PHF10: variants seen among roughly 807,000 people sequenced by gnomAD.
PHF10 encodes the protein BRG1-associated factor 45a.
PHF10 carries 51 observed loss-of-function variants against 68.5 expected under a neutral mutation model. The observed-to-expected ratio is 0.74, with a 90% CI of 0.59 to 0.94. The LOEUF is 0.94. PHF10 is among the 40% of genes least tolerant of loss of function. The pLI is 0.00. For missense variants in PHF10, 460 were observed against 602.6 expected (o/e 0.76, Z 2.48); for synonymous variants, 204 against 203.5 (o/e 1.00, Z -0.02).
intron 3 of PHF10, among the ~76,000 whole-genome samples, chr6:169,718,584 A>G (rs1157622577): frequency 1.3e-5 from 2 of 152,204 alleles, no homozygotes; most frequent in East Asian, 3.9e-4. Context: ...GCAGGGAGAC[A>G]GCTAGCCCAG....
At chr6:169,715,888 A>G (rs201369237) in intron 5 of PHF10, 31 bp from the exon 6 acceptor site, 51 of 1,599,986 alleles carry the variant, frequency 3.2e-5, no homozygotes, top group Non-Finnish European at 4.2e-5. Context: ...TGGAAGTCAC[A>G]TATAACTTTC....
At position 169,717,347 on chromosome 6, in the gene PHF10, G is replaced by A. The variant is rs184050394; in HGVS notation, c.409+476C>T. Among the ~76,000 whole-genome samples, 350 of 152,308 alleles carry A rather than the reference G, an allele frequency of 2.3e-3. 2 individuals carry two copies. The highest frequency in any genetic ancestry group is 7.9e-3 in the African/African-American group (329 of 41,566). On this transcript the variant is annotated intron_variant, in intron 4 of 11. Transcript: ENST00000339209. ...ACATATGATAAACCCATCCTAAGTT[G>A]AAACTATCCTAAAAAGTAAAAGCAT...
At chr6:169,714,010 A>G (rs1006375205) in intron 7 of PHF10, among the ~76,000 whole-genome samples, 1 of 151,902 alleles carries the variant, frequency 6.6e-6, no homozygotes, top group Non-Finnish European at 1.5e-5. Context: ...CAGTCCCGCT[A>G]TTTGGGAGGC....
rs1266593455 is a variant in PHF10 at position 169,714,777 on chromosome 6, G to C, written c.759C>G (p.Tyr253Ter). The change falls in exon 7 of 12, where the codon TAC becomes TAG. Residue 253 changes from tyrosine to a stop codon, truncating the protein, a stop_gained. Transcript: ENST00000339209. LOFTEE classifies it high-confidence loss of function. ...LPTERTKVSSYPVALIPGQFQ... is the reference protein window; with the variant it reads ...LPTERTKVSS The stretch of plus-strand genomic sequence containing the variant: ...ACTGTCCGGGGATGAGAGCCACTGG[G>C]TAAGAACTGACCTTTGTTCGCTCTG... 2 of 1,604,894 alleles carry C rather than the reference G, an allele frequency of 1.2e-6. No homozygotes were observed. The highest frequency in any genetic ancestry group is 1.7e-6 in the Non-Finnish European group (2 of 1,171,644).
intron 6 of PHF10, 67 bp downstream of exon 6, chr6:169,715,641 T>G: frequency 8.0e-7 from 1 of 1,252,076 alleles, no homozygotes. Context: ...ATAAAGGGGG[T>G]GATGGGCACT....
intron 1 of PHF10, 110 bp downstream of exon 1, chr6:169,723,735 T>C (rs1314373945): frequency 3.4e-5 from 10 of 297,674 alleles, no homozygotes; most frequent in Admixed American, 6.1e-5. Flanking sequence ...GCGCCCGGCC[T>C]GGGCCCACGC....
chr6:169,717,042 A>G (rs186104514), intron 4 of PHF10, among the ~76,000 whole-genome samples: 337 of 152,336 alleles, frequency 2.2e-3, no homozygotes, highest in African/African-American at 7.5e-3. Flanking sequence ...TCACAAGGTC[A>G]GAAGTTGGAG....
At chr6:169,706,699 A>G (rs1788800085) in intron 9 of PHF10, among the ~76,000 whole-genome samples, 1 of 150,058 alleles carries the variant, frequency 6.7e-6, no homozygotes, top group South Asian at 2.1e-4. Flanking sequence ...CAAGAATGAA[A>G]TGGGGTAAGG....
chr6:169,714,671 C>CA, intron 7 of PHF10, 62 bp downstream of exon 7: 1 of 840,502 alleles, frequency 1.2e-6, no homozygotes, highest in Non-Finnish European at 2.1e-6. Flanking sequence ...GAGGCAAGTA[C>CA]AAAAGGCTCT....
intron 2 of PHF10, among the ~76,000 whole-genome samples, chr6:169,719,474 G>A (rs1055460770): frequency 3.9e-5 from 6 of 152,142 alleles, no homozygotes; most frequent in South Asian, 2.1e-4. Flanking sequence ...TATCACAGTC[G>A]ATCTCCATCC....
chr6:169,705,827 T>G lies in PHF10; in HGVS notation c.1114-103A>C, dbSNP rs1788765869. On this transcript the variant is annotated intron_variant, in intron 9 of 11. Coordinates refer to ENST00000339209, the MANE Select transcript of PHF10 (RefSeq NM_018288.4). ...TGCCCTATTTTTACTTTTGGTAACTTGCTAATGAGGACCATTTTGAAAGAC... is the reference window on the plus strand; with the variant it reads ...TGCCCTATTTTTACTTTTGGTAACTGGCTAATGAGGACCATTTTGAAAGAC... 4 of 705,078 alleles carry G rather than the reference T, an allele frequency of 5.7e-6. No homozygotes were observed. The East Asian group carries it at 7.8e-5, about 14-fold the overall frequency. The allele number at this position is 705,078 out of a possible 1,614,324, so 43.7% of individuals were successfully genotyped here.
intron 7 of PHF10, among the ~76,000 whole-genome samples, chr6:169,713,923 A>G (rs148660011): frequency 6.6e-6 from 1 of 152,326 alleles, no homozygotes; most frequent in East Asian, 1.9e-4. Context: ...AGAGATCAAG[A>G]GCATCCTGGC....
chr6:169,717,065 A>G (rs1167989533), intron 4 of PHF10, among the ~76,000 whole-genome samples: 1 of 152,196 alleles, frequency 6.6e-6, no homozygotes, highest in East Asian at 1.9e-4. Context: ...CAGCCTGGCC[A>G]ACATGGTAAA....
chr6:169,717,524 T>C (rs1181416648), intron 4 of PHF10, among the ~76,000 whole-genome samples: 1 of 152,232 alleles, frequency 6.6e-6, no homozygotes, highest in East Asian at 1.9e-4. Flanking sequence ...TTACATATTA[T>C]ACTGCAAGTG....
chr6:169,707,128 ATAAT>A (rs1219366643), intron 9 of PHF10: 2 of 152,240 alleles, frequency 1.3e-5, no homozygotes, highest in Admixed American at 1.3e-4. Context: ...TCTCTACAAA[ATAAT>A]AAATATCATG....
chr6:169,711,936 C>CA (rs535575759), intron 8 of PHF10, among the ~76,000 whole-genome samples: 2,053 of 145,652 alleles, frequency 0.014, 29 homozygotes, highest in Middle Eastern at 0.067. Flanking sequence ...CATTTTGCTA[C>CA]AAAAAAAAAA....
chr6:169,705,257 C>G lies in PHF10; in HGVS notation c.1287G>C (p.Gln429His). The G allele has an allele frequency of 6.2e-7, 1 of 1,613,168 alleles. No homozygotes were observed. The highest frequency in any genetic ancestry group is 8.5e-7 in the Non-Finnish European group (1 of 1,179,182). Reference sequence around the variant, plus strand: ...TAATGCATGTTTTACATTCCATACACTGCCATGGGTAGGTCTTAATCATAG... The same window carrying G: ...TAATGCATGTTTTACATTCCATACAGTGCCATGGGTAGGTCTTAATCATAG... ...LVSMIKTYPWQCMECKTCIIC... is the reference protein window; with the variant it reads ...LVSMIKTYPWHCMECKTCIIC... Residue 429 changes from glutamine to histidine, a missense_variant, in exon 11 of 12, where the codon CAG (glutamine) becomes CAC (histidine). Gln to His is a conservative substitution (Grantham distance 24, BLOSUM62 0). Around this residue, in one of 3 missense-constraint regions of PHF10, gnomAD observed 111 missense variants for 109.7 expected, o/e 1.01. Transcript: ENST00000339209.
chr6:169,708,264 ATTG>A (rs1788851774), intron 9 of PHF10: 1 of 152,200 alleles, frequency 6.6e-6, no homozygotes, highest in Admixed American at 6.5e-5. Context: ...GATTTTAATT[ATTG>A]TATTTATAGG....
chr6:169,716,861 C>G (rs1313424896), intron 4 of PHF10, among the ~76,000 whole-genome samples: 1 of 152,078 alleles, frequency 6.6e-6, no homozygotes, highest in Non-Finnish European at 1.5e-5. Context: ...TGGGACCACA[C>G]GCACACACCA....
Sources: allele counts gnomAD v4.1 joint callset (sites outside exome capture counted in the v4.1 genomes callset), GRCh38; gene constraint gnomAD v4.1.1; regional missense constraint gnomAD v4.1.1; transcripts MANE v1.5; gene names NCBI Gene and HGNC (gene_info 2026-07-23, HGNC 2026-07-21).